The following PFAS variants were observed in gnomAD, a reference collection of about 807,000 sequenced individuals.
The protein encoded by PFAS is FGAM synthase.
Under a neutral mutation model 140.6 loss-of-function variants are expected in PFAS, and 97 were observed. The ratio of observed to expected loss-of-function variants is 0.69; its 90% CI spans 0.59 to 0.82. The LOEUF is 0.82. Among genes scored for constraint, PFAS ranks in the 40% least tolerant of loss-of-function variants. The pLI is 0.00. For missense variants in PFAS, 1,656 were observed against 1,780.2 expected, an observed-to-expected ratio of 0.93 and a Z score of 1.26; for synonymous variants, 679 against 718.8, an observed-to-expected ratio of 0.94 and a Z score of 0.88.
At chr17:8,263,323 T>C in intron 13 of PFAS, 58 bp downstream of exon 13, 1 of 1,579,552 alleles carries the variant, frequency 6.3e-7, no homozygotes, top group Non-Finnish European at 8.7e-7. Flanking sequence ...CCAGGTTTCG[T>C]TTAGGGAGAG....
chr17:8,264,272 C>T lies in PFAS; in HGVS notation c.1852C>T (p.Pro618Ser). 6.2e-7 allele frequency: 1 copy of T among 1,613,908 alleles called. No homozygotes were observed. Reference protein sequence around the residue: ...VRRNGQGDAPPTPLPTPVDLE... With the variant: ...VRRNGQGDAPSTPLPTPVDLE... ...AAGAAATGGCCAGGGGGATGCCCCC[C>T]CGACACCCCTGCCAACCCCTGTGGA... is the stretch of plus-strand genomic sequence containing the variant. Residue 618 changes from proline (P) to serine (S), a missense_variant, in exon 16 of 28, where the codon CCG (proline) becomes TCG (serine). Around this residue, in one of 2 missense-constraint regions of PFAS, gnomAD observed 883 missense variants for 1,023.0 expected, o/e 0.86. Coordinates refer to ENST00000314666, the MANE Select transcript of PFAS (RefSeq NM_012393.3).
At chr17:8,268,059 T>TATA (rs1462248111) in intron 26 of PFAS, among the ~76,000 whole-genome samples, 1 of 142,414 alleles carries the variant, frequency 7.0e-6, no homozygotes, top group East Asian at 2.1e-4. Context: ...AATATATATA[T>TATA]ATATATATAT....
rs372114876 is a variant in PFAS at position 8,266,269 on chromosome 17, G to A, written c.2737G>A (p.Gly913Arg). Residue 913 changes from glycine to arginine, a missense_variant, in exon 22 of 28, where the codon GGA (glycine) becomes AGA (arginine). This residue lies in a region of PFAS where 883 missense variants were observed against 1,023.0 expected (regional missense o/e 0.86). Coordinates refer to ENST00000314666, the MANE Select transcript of PFAS (RefSeq NM_012393.3). This position sits in a 1 kb window ranked among gnomAD's most constrained non-coding sequence, Gnocchi z 5.0. ...CTGCTCAGGCCACGATGTCAGTGAC[G>A]GAGGCCTCGTCACATGCCTGCTGGA... ...LLCSGHDVSDGGLVTCLLEMA... is the reference protein window; with the variant it reads ...LLCSGHDVSDRGLVTCLLEMA... The A allele has an allele frequency of 6.8e-6, 11 of 1,613,946 alleles. No individual in the cohort carries two copies. Among genetic ancestry groups the A allele is most frequent in the African/African-American group, 4.0e-5 (3 of 74,896 alleles).
chr17:8,263,607 G>A lies in PFAS; in HGVS notation c.1600G>A (p.Gly534Arg), dbSNP rs1989682886. ...NVLKELSDPA[G>R]AIIYTSRFQL... Reference sequence around the variant, plus strand: ...CCTAAAAGAGCTGAGTGACCCAGCTGGAGCCATCATTTACACCAGCCGCTT... The same window carrying A: ...CCTAAAAGAGCTGAGTGACCCAGCTAGAGCCATCATTTACACCAGCCGCTT... The change falls in exon 14 of 28, where the codon GGA becomes AGA. Residue 534 changes from glycine (G) to arginine (R), a missense_variant. Around this residue, in one of 2 missense-constraint regions of PFAS, gnomAD observed 773 missense variants for 757.3 expected, o/e 1.02. Transcript: ENST00000314666. The A allele has an allele frequency of 1.2e-6, 2 of 1,613,956 alleles. No homozygotes were observed. The highest frequency in any genetic ancestry group is 2.2e-5 in the East Asian group (1 of 44,890).
chr17:8,268,753 C>T lies in PFAS; in HGVS notation c.3603C>T (p.Arg1201=), dbSNP rs530774662. 6 of 1,612,048 alleles carry T rather than the reference C, an allele frequency of 3.7e-6. No individual in the cohort carries two copies. The African/African-American group carries it at 8.0e-5, about 21-fold the overall frequency. The part of the protein sequence containing the change: ...GLLLRHNLSG[R]YESRWASVRV... ...TGCTACGCCACAACCTGTCTGGGCG[C>T]TACGAGTCTCGCTGGGCCAGCGTGC... The change falls in exon 27 of 28, where the codon CGC becomes CGT. Residue 1201 remains arginine, a synonymous_variant. Transcript: ENST00000314666.
upstream of PFAS, among the ~76,000 whole-genome samples, chr17:8,248,410 A>ATTTTTT (rs35534210): frequency 0.03 from 2,042 of 67,518 alleles, 163 homozygotes; most frequent in Non-Finnish European, 0.043. Context: ...CGCCCGGCTA[A>ATTTTTT]TTTTTTTTTT....
chr17:8,252,830 C>G (rs534173959), intron 1 of PFAS, among the ~76,000 whole-genome samples: 2 of 152,104 alleles, frequency 1.3e-5, no homozygotes, highest in African/African-American at 4.8e-5. Flanking sequence ...CCATGTTGCC[C>G]AGGTTGGTCT....
intron 1 of PFAS, among the ~76,000 whole-genome samples, chr17:8,252,789 TG>T: frequency 6.6e-6 from 1 of 152,120 alleles, no homozygotes. Flanking sequence ...AGCAAATTTT[TG>T]TATCTTTTTT....
Position 8,269,583 on chromosome 17 carries a change from C to T in PFAS, c.*319C>T, listed in dbSNP as rs1446341586. 3 of 297,006 alleles carry T rather than the reference C, an allele frequency of 1.0e-5. No individual in the cohort carries two copies. In the East Asian group the frequency reaches 2.0e-4, roughly 20 times the overall value. 18.4% of individuals were successfully genotyped at this position (297,006 alleles called of 1,614,324 possible). On this transcript the variant is annotated 3_prime_UTR_variant, in exon 28 of 28. Transcript: ENST00000314666. ...GGGGCTTCTGTTGCCCACTTCACAA[C>T]ACCCAGTGATCACCGGTGTGCAATT...
intron 1 of PFAS, among the ~76,000 whole-genome samples, chr17:8,252,860 C>T (rs1989213199): frequency 1.3e-5 from 2 of 152,004 alleles, no homozygotes; most frequent in Admixed American, 6.6e-5. Flanking sequence ...GTGCTCAATC[C>T]TCCCACCTCA....
intron 11 of PFAS, among the ~76,000 whole-genome samples, chr17:8,260,534 C>G (rs1156241078): frequency 6.6e-6 from 1 of 152,196 alleles, no homozygotes; most frequent in Non-Finnish European, 1.5e-5. Flanking sequence ...TTTACCCATT[C>G]CTTAGTTGGT....
chr17:8,263,387 T>G, intron 13 of PFAS, 122 bp downstream of exon 13: 2 of 1,168,076 alleles, frequency 1.7e-6, no homozygotes, highest in Non-Finnish European at 2.5e-6. Flanking sequence ...CTCCATGCTC[T>G]GTACATTCTA....
In PFAS at chr17:8,270,236, T is replaced by A. The variant is rs1183583689; in HGVS notation, c.*972T>A. 1.3e-5 allele frequency: 2 copies of A among 152,188 alleles called. No homozygotes were observed. The highest frequency in any genetic ancestry group is 2.4e-5 in the African/African-American group (1 of 41,450). The allele number at this position is 152,188 out of a possible 1,614,324, so 9.4% of individuals were successfully genotyped here. ...CTCTCATCCCTAGATCCTAACCCTT[T>A]AGTATGCTGGAATTCTACTCTTCAC... On this transcript the variant is annotated 3_prime_UTR_variant, in exon 28 of 28. Transcript: ENST00000314666.
At chr17:8,256,805 C>T in intron 8 of PFAS, 30 bp from the exon 9 acceptor site, 1 of 1,576,028 alleles carries the variant, frequency 6.3e-7, no homozygotes, top group Non-Finnish European at 8.6e-7. Flanking sequence ...CTCTGAGGCA[C>T]CCAGACCTCT....
chr17:8,267,936 A>T lies in PFAS; in HGVS notation c.3382+271A>T, dbSNP rs1374936146. On this transcript the variant is annotated intron_variant, in intron 26 of 27. Transcript: ENST00000314666. This position sits in a 1 kb window ranked among gnomAD's most constrained non-coding sequence, Gnocchi z 4.9. Reference sequence around the variant, plus strand: ...TATTATTTATATATTATTAAAATGTATATTATTTATATATTATTAAAATAT... The same window carrying T: ...TATTATTTATATATTATTAAAATGTTTATTATTTATATATTATTAAAATAT... Among the ~76,000 whole-genome samples the T allele has an allele frequency of 6.9e-6, 1 of 144,738 alleles. No individual in the cohort carries two copies. Among genetic ancestry groups the T allele is most frequent in the Non-Finnish European group, 1.5e-5 (1 of 66,102 alleles). The allele number at this position is 144,738 out of a possible 152,430, so 95.0% of individuals were successfully genotyped here. A position where few individuals can be genotyped will look rare whatever the true frequency, so the allele number is the denominator to read the frequency against.
chr17:8,268,536 G>A lies in PFAS; in HGVS notation c.3386G>A (p.Trp1129Ter), dbSNP rs761063613. The change falls in exon 27 of 28, where the codon TGG becomes TAG. Residue 1129 changes from tryptophan (W) to a stop codon, truncating the protein, a stop_gained. Transcript: ENST00000314666. LOFTEE classifies it high-confidence loss of function. ...TGACTTCCCTATTCCCTGCTAGGGT[G>A]GGCAGCTGCTGTGACCTTTCATCCC... ...YADVLGSAKG[W>*]AAAVTFHPRA... The A allele has an allele frequency of 1.2e-6, 2 of 1,610,724 alleles. No individual in the cohort carries two copies. Among genetic ancestry groups the A allele is most frequent in the Non-Finnish European group, 1.7e-6 (2 of 1,178,794 alleles).
At chr17:8,251,336 C>T (rs1989143580) in intron 1 of PFAS, among the ~76,000 whole-genome samples, 1 of 152,114 alleles carries the variant, frequency 6.6e-6, no homozygotes, top group African/African-American at 2.4e-5. Context: ...GGCTGGAGTG[C>T]AGTGGCACAA....
rs1010483671 is a variant in PFAS, at chr17:8,267,866, A to G, written c.3382+201A>G. On this transcript the variant is annotated intron_variant, in intron 26 of 27. Transcript: ENST00000314666. The surrounding 1 kb of genome is among the most constrained non-coding windows in gnomAD (Gnocchi z 4.9). ...ATTGAAAAAAAGTATATATATACAC[A>G]TATGTAATTAAAATATATATTATTA... Among the ~76,000 whole-genome samples, 2 of 147,060 alleles carry G rather than the reference A, an allele frequency of 1.4e-5. No homozygotes were observed. The highest frequency in any genetic ancestry group is 2.5e-5 in the African/African-American group (1 of 40,384).
At position 8,267,216 on chromosome 17, in the gene PFAS, C is replaced by G. The variant is rs139776955; in HGVS notation, c.3156C>G (p.Ala1052=). ...GCCTGCCCCCCACCTTTCCCAAAGC[C>G]TCCGTGCCCCGTGAGCCTGGTGAGG... The part of the protein sequence containing the change: ...SYCLPPTFPK[A]SVPREPGGPS... The change falls in exon 24 of 28, where the codon GCC becomes GCG. Residue 1052 remains alanine, a synonymous_variant. Coordinates refer to ENST00000314666, the MANE Select transcript of PFAS (RefSeq NM_012393.3). The surrounding 1 kb of genome is among the most constrained non-coding windows in gnomAD (Gnocchi z 4.9). 6.2e-7 allele frequency: 1 copy of G among 1,607,978 alleles called. No homozygotes were observed. Among genetic ancestry groups the G allele is most frequent in the African/African-American group, 1.3e-5 (1 of 74,858 alleles).
Sources: gnomAD v4.1 joint callset for allele counts (sites outside exome capture counted in the v4.1 genomes callset) on GRCh38, gnomAD v4.1.1 for gene constraint, gnomAD v4.1.1 regional missense constraint, Gnocchi (gnomAD v3.1) non-coding constraint, MANE v1.5 for transcripts, NCBI Gene and HGNC (gene_info 2026-07-23, HGNC 2026-07-21) for gene names.